The following HS6ST3 variants were observed in gnomAD, a reference collection of about 807,000 sequenced individuals.
HS6ST3 encodes the protein heparan sulfate 6-O-sulfotransferase 3.
HS6ST3 carries 12 observed loss-of-function variants against 36.7 expected under a neutral mutation model. That is an observed-to-expected ratio of 0.33 (90% CI 0.21 to 0.53). The LOEUF (loss-of-function observed/expected upper bound fraction) is 0.53, where lower values mean the gene tolerates loss of function less well. HS6ST3 is among the 20% of genes least tolerant of loss of function. The probability of loss-of-function intolerance (pLI) is 0.95; values close to 1 mark genes in which losing one functional copy is unlikely to be tolerated. For synonymous variants in HS6ST3, 240 were observed against 257.5 expected (o/e 0.93, Z 0.65); for missense variants, 584 against 640.9 (o/e 0.91, Z 0.96).
chr13:96,726,073 C>T (rs569796384), intron 1 of HS6ST3, among the ~76,000 whole-genome samples: 18 of 152,136 alleles, frequency 1.2e-4, no homozygotes, highest in East Asian at 9.7e-4. Flanking sequence ...CCTGACCTTA[C>T]GATCCACCCT....
chr13:96,800,041 A>G (rs779390371), intron 1 of HS6ST3, among the ~76,000 whole-genome samples: 39 of 131,920 alleles, frequency 3.0e-4, no homozygotes, highest in Non-Finnish European at 5.6e-4. Context: ...AGAGAGAAAG[A>G]GAATAGTTCA....
At chr13:96,132,340 T>C (rs2053980353) in intron 1 of HS6ST3, among the ~76,000 whole-genome samples, 1 of 152,188 alleles carries the variant, frequency 6.6e-6, no homozygotes, top group Non-Finnish European at 1.5e-5. Flanking sequence ...TGAGATCATA[T>C]GGTAGTTCTA....
intron 1 of HS6ST3, among the ~76,000 whole-genome samples, chr13:96,534,551 C>T (rs754740266): frequency 2.7e-4 from 41 of 152,268 alleles, no homozygotes; most frequent in Middle Eastern, 3.4e-3. Flanking sequence ...TGTTAGCTTC[C>T]ATCATTGTCA....
chr13:96,281,293 C>T (rs969001579), intron 1 of HS6ST3, among the ~76,000 whole-genome samples: 11 of 152,140 alleles, frequency 7.2e-5, no homozygotes, highest in African/African-American at 1.7e-4. Context: ...CGTGAGCCAC[C>T]GCGCCTAGCC....
chr13:96,441,476 A>AATT (rs1427294047), intron 1 of HS6ST3, among the ~76,000 whole-genome samples: 1 of 152,124 alleles, frequency 6.6e-6, no homozygotes, highest in Non-Finnish European at 1.5e-5. Context: ...ACAGAGACAC[A>AATT]ATTATTATTA....
At chr13:96,221,091 C>T (rs541446161) in intron 1 of HS6ST3, among the ~76,000 whole-genome samples, 7 of 152,252 alleles carry the variant, frequency 4.6e-5, no homozygotes, top group South Asian at 2.1e-4. Flanking sequence ...AGTCCCTCTG[C>T]CCTCCCTCCA....
chr13:96,596,837 T>C (rs2138979367), intron 1 of HS6ST3, among the ~76,000 whole-genome samples: 1 of 152,250 alleles, frequency 6.6e-6, no homozygotes, highest in African/African-American at 2.4e-5. Flanking sequence ...ACTAAATGTA[T>C]ACCCAAAGAA....
At chr13:96,592,325 A>G (rs896421057) in intron 1 of HS6ST3, among the ~76,000 whole-genome samples, 9 of 152,118 alleles carry the variant, frequency 5.9e-5, no homozygotes, top group African/African-American at 2.2e-4. Context: ...CTTGCTTTTT[A>G]ACTTTGTGTT....
chr13:96,738,045 C>T (rs879633743), intron 1 of HS6ST3, among the ~76,000 whole-genome samples: 1 of 152,126 alleles, frequency 6.6e-6, no homozygotes, highest in Non-Finnish European at 1.5e-5. Context: ...TCCTTTTGGC[C>T]CTGTAAGGTA....
intron 1 of HS6ST3, among the ~76,000 whole-genome samples, chr13:96,503,239 T>C (rs2056012647): frequency 6.6e-6 from 1 of 152,170 alleles, no homozygotes; most frequent in Non-Finnish European, 1.5e-5. Flanking sequence ...TCTTCTTTTT[T>C]TGTTACATGC....
intron 1 of HS6ST3, among the ~76,000 whole-genome samples, chr13:96,105,224 C>T (rs573330155): frequency 7.9e-5 from 12 of 151,960 alleles, no homozygotes; most frequent in South Asian, 4.2e-4. Flanking sequence ...AGATTGGAGT[C>T]GGATCAAGTC....
At chr13:96,310,807 C>A (rs928542776) in intron 1 of HS6ST3, among the ~76,000 whole-genome samples, 1 of 152,122 alleles carries the variant, frequency 6.6e-6, no homozygotes, top group African/African-American at 2.4e-5. Context: ...TTTTTCAGTG[C>A]TACCCTTAAT....
Position 96,799,942 on chromosome 13 carries a change from GTGTATATATATATATATATA to G in HS6ST3, c.708-32544_708-32525del, listed in dbSNP as rs763253724. ...TATCCTTTTGAATACATATATGTGT[GTGTATATATATATATATATA>G]TGTGTATATATATATATATGTATAT... On this transcript the variant is annotated intron_variant, in intron 1 of 1. Coordinates refer to ENST00000376705, the MANE Select transcript of HS6ST3 (RefSeq NM_153456.4). Among the ~76,000 whole-genome samples, 253 of 93,980 alleles carry G rather than the reference GTGTATATATATATATATATA, an allele frequency of 2.7e-3. 21 individuals carry two copies. The highest frequency in any genetic ancestry group is 0.012 in the African/African-American group (239 of 20,192). 61.7% of individuals were successfully genotyped at this position (93,980 alleles called of 152,430 possible).
intron 1 of HS6ST3, among the ~76,000 whole-genome samples, chr13:96,322,532 G>A (rs536014359): frequency 2.0e-5 from 3 of 152,112 alleles, no homozygotes; most frequent in South Asian, 2.1e-4. Context: ...ACTCTAGCTC[G>A]GGTGACAGAG....
chr13:96,476,596 C>T (rs1030007205), intron 1 of HS6ST3, among the ~76,000 whole-genome samples: 4 of 152,104 alleles, frequency 2.6e-5, no homozygotes, highest in East Asian at 1.9e-4. Flanking sequence ...CTCCTGACCT[C>T]GTGATTGGCC....
intron 1 of HS6ST3, among the ~76,000 whole-genome samples, chr13:96,605,975 C>T (rs2056437375): frequency 6.6e-6 from 1 of 151,892 alleles, no homozygotes; most frequent in Non-Finnish European, 1.5e-5. Flanking sequence ...TGAAAAAATG[C>T]TCATCATCAC....
chr13:96,639,119 A>G (rs1238622724), intron 1 of HS6ST3, among the ~76,000 whole-genome samples: 1 of 151,978 alleles, frequency 6.6e-6, no homozygotes, highest in Non-Finnish European at 1.5e-5. Flanking sequence ...TCTATTATTG[A>G]AAGTGGGTCA....
intron 1 of HS6ST3, among the ~76,000 whole-genome samples, chr13:96,673,358 G>T (rs896245392): frequency 6.6e-6 from 1 of 152,118 alleles, no homozygotes; most frequent in Non-Finnish European, 1.5e-5. Flanking sequence ...ATTAGGAACC[G>T]ATATCTTCGG....
chr13:96,204,841 C>G (rs2054361486), intron 1 of HS6ST3, among the ~76,000 whole-genome samples: 2 of 152,094 alleles, frequency 1.3e-5, no homozygotes, highest in Non-Finnish European at 2.9e-5. Context: ...GCAGCTAAAG[C>G]AGAGTTAAGA....
Sources: gnomAD v4.1 joint callset for allele counts (sites outside exome capture counted in the v4.1 genomes callset) on GRCh38, gnomAD v4.1.1 for gene constraint, MANE v1.5 for transcripts, NCBI Gene and HGNC (gene_info 2026-07-23, HGNC 2026-07-21) for gene names.